The following CREBBP variants were observed in gnomAD, a reference collection of about 807,000 sequenced individuals.
CREBBP encodes the protein CREB binding lysine acetyltransferase.
CREBBP carries 19 observed loss-of-function variants against 265.0 expected under a neutral mutation model. The observed-to-expected ratio is 0.07, with a 90% confidence interval of 0.05 to 0.11. The LOEUF (loss-of-function observed/expected upper bound fraction) is 0.11, where lower values mean the gene tolerates loss of function less well. CREBBP is among the 10% of genes least tolerant of loss of function. The probability of loss-of-function intolerance (pLI) is 1.00; values close to 1 mark genes in which losing one functional copy is unlikely to be tolerated. For synonymous variants in CREBBP, 1,457 were observed against 1,223.7 expected, an observed-to-expected ratio of 1.19 and a Z score of -3.98; for missense variants, 2,525 against 3,219.0, an observed-to-expected ratio of 0.78 and a Z score of 5.22.
chr16:3,871,957 T>A (rs1303342729), intron 1 of CREBBP, among the ~76,000 whole-genome samples: 2 of 152,246 alleles, frequency 1.3e-5, no homozygotes, highest in African/African-American at 4.8e-5. Flanking sequence ...TAAAGTCAGA[T>A]TTAATCATGT....
intron 2 of CREBBP, among the ~76,000 whole-genome samples, chr16:3,849,351 A>AGG (rs979430171): frequency 7.6e-5 from 11 of 145,306 alleles, no homozygotes; most frequent in African/African-American, 2.6e-4. Context: ...ATCCCAGTCC[A>AGG]GGCCTTTCCC....
chr16:3,747,460 A>G (rs920859313), intron 21 of CREBBP, among the ~76,000 whole-genome samples: 1 of 152,160 alleles, frequency 6.6e-6, no homozygotes, highest in Non-Finnish European at 1.5e-5. Flanking sequence ...TTGTCCAGGA[A>G]ACCAGGCGCA....
intron 3 of CREBBP, among the ~76,000 whole-genome samples, chr16:3,798,725 T>C (rs932323101): frequency 2.6e-5 from 4 of 152,170 alleles, no homozygotes; most frequent in Non-Finnish European, 5.9e-5. Context: ...TCCTCATACA[T>C]TGGTGTGGGA....
intron 1 of CREBBP, among the ~76,000 whole-genome samples, chr16:3,852,315 C>T (rs1477717191): frequency 2.0e-5 from 3 of 150,092 alleles, no homozygotes; most frequent in Non-Finnish European, 4.4e-5. Context: ...ATTATAGGCG[C>T]CCACCACCAT....
chr16:3,730,988 G>C (rs987417348), intron 30 of CREBBP, among the ~76,000 whole-genome samples: 1 of 152,170 alleles, frequency 6.6e-6, no homozygotes, highest in African/African-American at 2.4e-5. Flanking sequence ...CCCAGGGTCA[G>C]GCCTGTGGCT....
chr16:3,849,441 GTGTGTGTGTGTGTGTGTGTGT>G (rs2054763706), intron 2 of CREBBP, among the ~76,000 whole-genome samples: 3 of 17,970 alleles, frequency 1.7e-4, no homozygotes, highest in South Asian at 3.0e-3. Context: ...GTGTGTGTGT[GTGTGTGTGTGTGTGTGTGTGT>G]GTGTGTGTGT....
chr16:3,748,746 G>C (rs965158016), intron 21 of CREBBP, among the ~76,000 whole-genome samples: 1 of 152,178 alleles, frequency 6.6e-6, no homozygotes, highest in African/African-American at 2.4e-5. Flanking sequence ...CTTTACATTG[G>C]GGACCTGGGA....
chr16:3,744,604 G>A (rs976937295), intron 23 of CREBBP, among the ~76,000 whole-genome samples: 1 of 152,196 alleles, frequency 6.6e-6, no homozygotes, highest in African/African-American at 2.4e-5. Flanking sequence ...GCAGCCCCGT[G>A]GCTGAGATGA....
intron 1 of CREBBP, among the ~76,000 whole-genome samples, chr16:3,870,140 T>C (rs1383326292): frequency 2.0e-5 from 3 of 151,926 alleles, no homozygotes; most frequent in Non-Finnish European, 2.9e-5. Flanking sequence ...TAACTTTTAC[T>C]TATAAAAAAA....
intron 1 of CREBBP, among the ~76,000 whole-genome samples, chr16:3,860,670 A>T (rs1597071645): frequency 1.3e-5 from 2 of 152,224 alleles, no homozygotes; most frequent in Admixed American, 1.3e-4. Flanking sequence ...ATTAAAACAA[A>T]ATTTGAAGGA....
intron 2 of CREBBP, among the ~76,000 whole-genome samples, chr16:3,844,231 C>T (rs1479222811): frequency 6.7e-6 from 1 of 149,094 alleles, no homozygotes; most frequent in African/African-American, 2.5e-5. Context: ...ATTGACAAAG[C>T]ACAAAAAGAG....
intron 1 of CREBBP, among the ~76,000 whole-genome samples, chr16:3,854,083 ATGATC>A (rs1321240118): frequency 6.6e-6 from 1 of 152,146 alleles, no homozygotes; most frequent in African/African-American, 2.4e-5. Context: ...CAACACCCAC[ATGATC>A]TGAAGTGGCT....
rs2051764296 is a variant in CREBBP, at chr16:3,727,062, A to C, written c.*656T>G. 1.7e-5 allele frequency: 4 copies of C among 233,990 alleles called. No homozygotes were observed. The highest frequency in any genetic ancestry group is 3.4e-5 in the Non-Finnish European group (4 of 118,352). The allele number at this position is 233,990 out of a possible 1,614,324, so 14.5% of individuals were successfully genotyped here. ...TCATCCCTATTTTTTGTCTAAAACC[A>C]GTTTTATCAGAGAAACAAAGCAACA... On this transcript the variant is annotated 3_prime_UTR_variant, in exon 31 of 31. Transcript: ENST00000262367.
At chr16:3,803,148 G>C (rs77219353) in intron 3 of CREBBP, among the ~76,000 whole-genome samples, 1 of 151,332 alleles carries the variant, frequency 6.6e-6, no homozygotes, top group Non-Finnish European at 1.5e-5. Context: ...TTTTTGCTTT[G>C]TGTTTATTGA....
intron 1 of CREBBP, among the ~76,000 whole-genome samples, chr16:3,867,547 T>C (rs2055200898): frequency 6.6e-6 from 1 of 152,094 alleles, no homozygotes; most frequent in Non-Finnish European, 1.5e-5. Context: ...AGAGAAAACA[T>C]TAAAATTGTT....
Position 3,736,722 on chromosome 16 carries a change from T to C in CREBBP, c.4488A>G (p.Pro1496=), listed in dbSNP as rs1596805723. The C allele has an allele frequency of 5.6e-6, 9 of 1,614,222 alleles. No homozygotes were observed. Among genetic ancestry groups the C allele is most frequent in the Non-Finnish European group, 7.6e-6 (9 of 1,180,040 alleles). Residue 1496 remains proline (P), a synonymous_variant, in exon 27 of 31, where the codon CCA becomes CCG. Coordinates refer to ENST00000262367, the MANE Select transcript of CREBBP (RefSeq NM_004380.3). ...CHPPDQKIPK[P]KRLQEWYKKM... ...TTTTGTACCACTCCTGCAGTCGTTTTGGCTTGGGTATTTTTTGATCAGGTG... is the reference window on the plus strand; with the variant it reads ...TTTTGTACCACTCCTGCAGTCGTTTCGGCTTGGGTATTTTTTGATCAGGTG...
At chr16:3,807,753 AAT>A (rs1208254129) in intron 3 of CREBBP, among the ~76,000 whole-genome samples, 1 of 152,210 alleles carries the variant, frequency 6.6e-6, no homozygotes, top group East Asian at 1.9e-4. Flanking sequence ...CTATTGCAGG[AAT>A]ATGTTAAAAA....
intron 1 of CREBBP, among the ~76,000 whole-genome samples, chr16:3,869,785 A>C: frequency 6.6e-6 from 1 of 152,162 alleles, no homozygotes; most frequent in East Asian, 1.9e-4. Context: ...TCCCCAAACA[A>C]GGAAACATCT....
intron 30 of CREBBP, among the ~76,000 whole-genome samples, chr16:3,730,730 G>A: frequency 6.6e-6 from 1 of 152,180 alleles, no homozygotes; most frequent in East Asian, 1.9e-4. Context: ...GAGGGGGATG[G>A]TGGGATCTGT....
Sources: allele counts gnomAD v4.1 joint callset (sites outside exome capture counted in the v4.1 genomes callset), GRCh38; gene constraint gnomAD v4.1.1; transcripts MANE v1.5; gene names NCBI Gene and HGNC (gene_info 2026-07-23, HGNC 2026-07-21).